MOXD1: variants seen among roughly 807,000 people sequenced by gnomAD.
MOXD1 encodes DBH-like monooxygenase protein 1.
Under a neutral mutation model 66.6 loss-of-function variants are expected in MOXD1, and 62 were observed. That is an observed-to-expected ratio of 0.93 (90% CI 0.76 to 1.15). The LOEUF (loss-of-function observed/expected upper bound fraction) is 1.15, where lower values mean the gene tolerates loss of function less well. Ranked by LOEUF, MOXD1 falls within the 50% of genes most tolerant of loss-of-function variation. The pLI is 0.00. For synonymous variants in MOXD1, 303 were observed against 281.9 expected, an observed-to-expected ratio of 1.07 and a Z score of -0.75; for missense variants, 847 against 754.6, an observed-to-expected ratio of 1.12 and a Z score of -1.44.
At chr6:132,352,768 C>A (rs146918229) in intron 4 of MOXD1, among the ~76,000 whole-genome samples, 6 of 152,236 alleles carry the variant, frequency 3.9e-5, no homozygotes, top group African/African-American at 1.4e-4. Flanking sequence ...CTGTCTATCT[C>A]AATTCTTAGT....
intron 4 of MOXD1, among the ~76,000 whole-genome samples, chr6:132,352,175 T>G (rs1775814740): frequency 6.6e-6 from 1 of 152,158 alleles, no homozygotes; most frequent in Admixed American, 6.6e-5. Context: ...TCTGCTGGGT[T>G]TCGGTTTAGT....
chr6:132,322,200 T>C (rs1030269862), intron 8 of MOXD1, among the ~76,000 whole-genome samples: 2 of 152,216 alleles, frequency 1.3e-5, no homozygotes, highest in Non-Finnish European at 2.9e-5. Context: ...TCAAGCTGGA[T>C]CACACAGCAT....
chr6:132,384,715 G>C (rs1376531750), intron 1 of MOXD1, among the ~76,000 whole-genome samples: 1 of 152,182 alleles, frequency 6.6e-6, no homozygotes, highest in African/African-American at 2.4e-5. Context: ...TGGACAGGAG[G>C]TTGGGTTATC....
intron 4 of MOXD1, among the ~76,000 whole-genome samples, chr6:132,349,466 CAT>C (rs1175675163): frequency 0.018 from 213 of 12,146 alleles, 41 homozygotes; most frequent in African/African-American, 0.088. Context: ...TATATATATA[CAT>C]ATATATATAT....
At chr6:132,355,639 C>A (rs564269174) in intron 4 of MOXD1, among the ~76,000 whole-genome samples, 1 of 152,128 alleles carries the variant, frequency 6.6e-6, no homozygotes, top group Non-Finnish European at 1.5e-5. Flanking sequence ...GCCTCCTAGA[C>A]CTGCTTACAA....
At chr6:132,368,033 A>G (rs1776181820) in intron 4 of MOXD1, among the ~76,000 whole-genome samples, 1 of 152,000 alleles carries the variant, frequency 6.6e-6, no homozygotes, top group Admixed American at 6.6e-5. Flanking sequence ...TTTCTATTAA[A>G]TGGAATGAGA....
chr6:132,401,056 G>A, intron 1 of MOXD1, 107 bp downstream of exon 1: 1 of 1,308,330 alleles, frequency 7.6e-7, no homozygotes, highest in Non-Finnish European at 9.9e-7. Context: ...GGCTGCGCCA[G>A]GTGAGAGAGA....
chr6:132,326,260 G>C (rs1022187682), intron 6 of MOXD1, among the ~76,000 whole-genome samples: 5 of 151,628 alleles, frequency 3.3e-5, no homozygotes, highest in Admixed American at 6.6e-5. Flanking sequence ...CTAAAATTTG[G>C]TCTAATTATG....
chr6:132,401,124 G>C (rs1478066560), intron 1 of MOXD1, 39 bp downstream of exon 1: 5 of 1,461,958 alleles, frequency 3.4e-6, no homozygotes, highest in African/African-American at 2.9e-5. Flanking sequence ...GGACGGGACC[G>C]GGCTCGGCCG....
intron 4 of MOXD1, among the ~76,000 whole-genome samples, chr6:132,329,031 T>A (rs540199398): frequency 2.6e-5 from 4 of 152,098 alleles, no homozygotes; most frequent in Admixed American, 2.6e-4. Context: ...TTGTTACATA[T>A]GTATACATGT....
At chr6:132,304,542 A>C (rs909699209) in intron 10 of MOXD1, among the ~76,000 whole-genome samples, 3 of 152,148 alleles carry the variant, frequency 2.0e-5, no homozygotes, top group Admixed American at 2.0e-4. Flanking sequence ...TGTACAGTAG[A>C]GGCTCCATCT....
chr6:132,374,072 A>C (rs1420526425), intron 2 of MOXD1, among the ~76,000 whole-genome samples: 1 of 152,208 alleles, frequency 6.6e-6, no homozygotes, highest in African/African-American at 2.4e-5. Context: ...AATTCATGGA[A>C]ATTTCTGAAG....
chr6:132,308,853 T>C (rs1774757113), intron 10 of MOXD1, among the ~76,000 whole-genome samples: 2 of 152,116 alleles, frequency 1.3e-5, no homozygotes, highest in Non-Finnish European at 2.9e-5. Context: ...ATAAACAAGG[T>C]ATTGATGGAA....
At chr6:132,361,660 C>A (rs1776020958) in intron 4 of MOXD1, among the ~76,000 whole-genome samples, 1 of 152,074 alleles carries the variant, frequency 6.6e-6, no homozygotes, top group South Asian at 2.1e-4. Context: ...GCAACAACCA[C>A]TATCATCACA....
At position 132,315,710 on chromosome 6, in the gene MOXD1, G is replaced by A. The variant is rs199952832; in HGVS notation, c.1433C>T (p.Thr478Ile). ...YLLYYPRINL[T>I]RCASIPDIME... ...AATGTCTGGAATACTTGCACATCGA[G>A]TAAGATTAATTCTTGGGTAATAAAG... is the stretch of plus-strand genomic sequence containing the variant. Residue 478 changes from threonine to isoleucine, a missense_variant, in exon 10 of 12, where the codon ACT (threonine) becomes ATT (isoleucine). Physicochemically the swap from Thr to Ile is moderately conservative, Grantham distance 89 (BLOSUM62 -1). Coordinates refer to ENST00000367963, the MANE Select transcript of MOXD1 (RefSeq NM_015529.4). The A allele has an allele frequency of 6.3e-5, 101 of 1,613,302 alleles. No individual in the cohort carries two copies. The highest frequency in any genetic ancestry group is 4.9e-4 in the Middle Eastern group (3 of 6,078).
intron 1 of MOXD1, among the ~76,000 whole-genome samples, chr6:132,375,902 T>A (rs1306927641): frequency 6.6e-6 from 1 of 152,230 alleles, no homozygotes; most frequent in African/African-American, 2.4e-5. Flanking sequence ...ACCTATTTTA[T>A]AGATTTTGAA....
chr6:132,369,026 T>C (rs1055592688), intron 4 of MOXD1, among the ~76,000 whole-genome samples: 4 of 152,088 alleles, frequency 2.6e-5, no homozygotes, highest in Admixed American at 6.6e-5. Context: ...TCTCAAAATA[T>C]CTTATCATAC....
intron 4 of MOXD1, among the ~76,000 whole-genome samples, chr6:132,331,361 G>A (rs539561395): frequency 1.3e-5 from 2 of 152,188 alleles, no homozygotes; most frequent in Admixed American, 1.3e-4. Flanking sequence ...GTTGGTTACT[G>A]TCACGACAGT....
intron 10 of MOXD1, among the ~76,000 whole-genome samples, chr6:132,302,747 C>A (rs780883527): frequency 2.0e-5 from 3 of 151,934 alleles, no homozygotes; most frequent in Admixed American, 6.6e-5. Flanking sequence ...CCTAGACTAT[C>A]AAAATAATTT....
Sources: allele counts gnomAD v4.1 joint callset (sites outside exome capture counted in the v4.1 genomes callset), GRCh38; gene constraint gnomAD v4.1.1; transcripts MANE v1.5; gene names NCBI Gene and HGNC (gene_info 2026-07-23, HGNC 2026-07-21).